The following LARS1 variants were observed in gnomAD, a reference collection of about 807,000 sequenced individuals.
LARS1 encodes leucine--tRNA ligase, cytoplasmic.
A neutral mutation model predicts 162.8 loss-of-function variants in LARS1; 100 were observed. The observed-to-expected ratio is 0.61, with a 90% CI of 0.52 to 0.73. The LOEUF (loss-of-function observed/expected upper bound fraction) is 0.73. LARS1 is among the 30% of genes least tolerant of loss of function. The pLI is 0.00. For synonymous variants in LARS1, 457 were observed against 462.8 expected (o/e 0.99, Z 0.16); for missense variants, 1,258 against 1,408.9 (o/e 0.89, Z 1.71).
intron 1 of LARS1, among the ~76,000 whole-genome samples, chr5:146,179,265 A>T (rs1382145586): frequency 6.6e-6 from 1 of 152,038 alleles, no homozygotes; most frequent in Non-Finnish European, 1.5e-5. Context: ...GGGTTCAAGC[A>T]ATTCTCCTGC....
chr5:146,120,166 A>G (rs1293222537), intron 31 of LARS1, among the ~76,000 whole-genome samples: 1 of 152,182 alleles, frequency 6.6e-6, no homozygotes, highest in African/African-American at 2.4e-5. Context: ...ATCAGTTTTG[A>G]GCTTAAGTGA....
chr5:146,123,113 T>G (rs1751899043), intron 29 of LARS1, among the ~76,000 whole-genome samples: 1 of 151,366 alleles, frequency 6.6e-6, no homozygotes, highest in African/African-American at 2.5e-5. Flanking sequence ...CATTTAATAT[T>G]TATTAATTTC....
In LARS1 at chr5:146,113,503, C is replaced by T. The variant is rs1764066434; in HGVS notation, c.*603G>A. On this transcript the variant is annotated 3_prime_UTR_variant, in exon 32 of 32. Transcript: ENST00000394434. ...CTGCTTATAAACTATTGATATTAGC[C>T]TTGAAGAAGCCATTATTGGTTCTTA... is the stretch of plus-strand genomic sequence containing the variant. 1 of 152,094 alleles carries T rather than the reference C, an allele frequency of 6.6e-6. No individual in the cohort carries two copies. The highest frequency in any genetic ancestry group is 2.4e-5 in the African/African-American group (1 of 41,366). The allele number at this position is 152,094 out of a possible 1,614,324, so 9.4% of individuals were successfully genotyped here.
chr5:146,133,842 T>G (rs1193576407), intron 22 of LARS1, among the ~76,000 whole-genome samples: 1 of 152,130 alleles, frequency 6.6e-6, no homozygotes, highest in African/African-American at 2.4e-5. Flanking sequence ...CACATATCTA[T>G]GTTTTTTGTT....
chr5:146,151,841 C>T, intron 14 of LARS1, 21 bp downstream of exon 14: 2 of 1,598,826 alleles, frequency 1.3e-6, no homozygotes. Context: ...CAAATAAAAA[C>T]TAAAAAAAAT....
intron 15 of LARS1, among the ~76,000 whole-genome samples, chr5:146,148,649 A>G (rs1753124786): frequency 1.3e-5 from 2 of 152,168 alleles, no homozygotes; most frequent in Non-Finnish European, 2.9e-5. Flanking sequence ...GACGTTAGAG[A>G]AAACAAAAAG....
Position 146,168,214 on chromosome 5 carries a change from CA to C in LARS1, c.345del (p.Asp116IlefsTer19), listed in dbSNP as rs1754104744. 3.7e-6 allele frequency: 6 copies of C among 1,613,532 alleles called. No homozygotes were observed. The highest frequency in any genetic ancestry group is 2.2e-5 in the East Asian group (1 of 44,856). On this transcript the variant is annotated frameshift_variant, in exon 5 of 32. Transcript: ENST00000394434. LOFTEE classifies it high-confidence loss of function. ...KREIELYGCPPDFPDEEEEEE... is the reference protein window; with the variant it reads ...KREIELYGCPXDFPDEEEEEE... ...TCTTCCTCTTCTTCATCTGGAAAAT[CA>C]GGGGGGCAACCATACAGCTCTATTT...
chr5:146,141,135 C>A (rs1752760328), intron 20 of LARS1, among the ~76,000 whole-genome samples: 1 of 152,098 alleles, frequency 6.6e-6, no homozygotes, highest in East Asian at 1.9e-4. Context: ...GTCATTCATT[C>A]ATTCTAGCAA....
chr5:146,173,764 T>C (rs946699495), intron 2 of LARS1, among the ~76,000 whole-genome samples: 13 of 152,130 alleles, frequency 8.5e-5, no homozygotes, highest in African/African-American at 2.4e-4. Context: ...TCCTCTCTAC[T>C]GTCCCACAAG....
intron 28 of LARS1, among the ~76,000 whole-genome samples, chr5:146,125,029 T>A (rs1751987379): frequency 1.5e-5 from 2 of 137,810 alleles, no homozygotes; most frequent in South Asian, 2.3e-4. Flanking sequence ...ACACACACAC[T>A]CTATATATAT....
intron 30 of LARS1, 150 bp from the exon 31 acceptor site, chr5:146,120,653 C>T: frequency 1.3e-6 from 1 of 758,322 alleles, no homozygotes; most frequent in Admixed American, 3.2e-5. Context: ...GAAAGAAAAG[C>T]TGTACAAGCT....
rs1046214072 is a variant in LARS1, at chr5:146,122,404, A to G, written c.3192+88T>C. ...ATTTCTCTGGACCTTACTTTGTTCT[A>G]TTTTTTAAATGTGGGTTTAGATGTA... On this transcript the variant is annotated intron_variant, in intron 30 of 31. Coordinates refer to ENST00000394434, the MANE Select transcript of LARS1 (RefSeq NM_020117.11). The G allele has an allele frequency of 6.8e-6, 5 of 736,566 alleles. No individual in the cohort carries two copies. The Admixed American group carries it at 7.1e-5, about 10-fold the overall frequency. 45.6% of individuals were successfully genotyped at this position (736,566 alleles called of 1,614,324 possible). A position where few individuals can be genotyped will look rare whatever the true frequency, so the allele number is the denominator to read the frequency against.
intron 4 of LARS1, 114 bp downstream of exon 4, chr5:146,171,796 C>T (rs1754292772): frequency 4.4e-6 from 3 of 674,878 alleles, no homozygotes; most frequent in East Asian, 5.7e-5. Context: ...ATAAATTCAA[C>T]TCATTTCATA....
chr5:146,124,045 T>C lies in LARS1; in HGVS notation c.3033A>G (p.Gln1011=), dbSNP rs954992221. ...GCACAGCCTTTTCATCAAATTCTAA[T>C]TGCAAATCCAGAATACGAGGCCCCA... ...EKMGPRILDL[Q]LEFDEKAVLM... The change falls in exon 29 of 32, where the codon CAA becomes CAG. Residue 1011 remains glutamine, a synonymous_variant. Coordinates refer to ENST00000394434, the MANE Select transcript of LARS1 (RefSeq NM_020117.11). 1.9e-6 allele frequency: 3 copies of C among 1,610,770 alleles called. No individual in the cohort carries two copies. Among genetic ancestry groups the C allele is most frequent in the South Asian group, 2.2e-5 (2 of 90,928 alleles).
chr5:146,144,817 C>T, intron 15 of LARS1, 108 bp from the exon 16 acceptor site: 1 of 933,524 alleles, frequency 1.1e-6, no homozygotes, highest in Non-Finnish European at 1.6e-6. Flanking sequence ...TAACTGAAAG[C>T]CCACATTTTC....
Position 146,114,166 on chromosome 5 carries a change from A to G in LARS1, c.3471T>C (p.His1157=), listed in dbSNP as rs1451461992. 6.2e-7 allele frequency: 1 copy of G among 1,613,914 alleles called. No individual in the cohort carries two copies. The highest frequency in any genetic ancestry group is 2.2e-5 in the East Asian group (1 of 44,852). Residue 1157 remains histidine, a synonymous_variant, in exon 32 of 32, where the codon CAT becomes CAC. Transcript: ENST00000394434. ...CCACCCTTATCCCATTCTCAGTCAG[A>G]TGAATTTTCTTGCTCATGAGGTCCA... is the stretch of plus-strand genomic sequence containing the variant. ...FNVDLMSKKI[H]LTENGIRVDI...
intron 15 of LARS1, among the ~76,000 whole-genome samples, chr5:146,147,520 T>C (rs1753066117): frequency 6.6e-6 from 1 of 152,174 alleles, no homozygotes; most frequent in Non-Finnish European, 1.5e-5. Flanking sequence ...CTCTCTACTT[T>C]TTTATACATT....
chr5:146,167,193 T>A (rs1233149340), intron 5 of LARS1, among the ~76,000 whole-genome samples: 1 of 152,140 alleles, frequency 6.6e-6, no homozygotes, highest in African/African-American at 2.4e-5. Flanking sequence ...GGATTGGACA[T>A]TGGAAGAGAA....
intron 7 of LARS1, 113 bp from the exon 8 acceptor site, chr5:146,159,583 G>C: frequency 1.4e-6 from 1 of 719,006 alleles, no homozygotes; most frequent in East Asian, 2.7e-5. Flanking sequence ...GAATTTCTGA[G>C]TAGATATCTG....
Sources: allele counts gnomAD v4.1 joint callset (sites outside exome capture counted in the v4.1 genomes callset), GRCh38; gene constraint gnomAD v4.1.1; transcripts MANE v1.5; gene names NCBI Gene and HGNC (gene_info 2026-07-23, HGNC 2026-07-21).